The following RIF1 variants were observed in gnomAD, a reference collection of about 807,000 sequenced individuals.
RIF1 encodes the protein replication timing regulatory factor 1, also known as telomere-associated protein RIF1.
Under a neutral mutation model 247.1 loss-of-function variants are expected in RIF1, and 45 were observed. The observed-to-expected ratio is 0.18, with a 90% CI of 0.14 to 0.23. RIF1 has a LOEUF of 0.23. RIF1 is among the 10% of genes least tolerant of loss of function. The pLI is 1.00. For missense variants in RIF1, 2,967 were observed against 2,862.5 expected, an observed-to-expected ratio of 1.04 and a Z score of -0.83; for synonymous variants, 1,087 against 978.8, an observed-to-expected ratio of 1.11 and a Z score of -2.06.
chr2:151,426,683 G>A lies in RIF1; in HGVS notation c.787-2101G>A, dbSNP rs1459611201. Among the ~76,000 whole-genome samples the A allele has an allele frequency of 2.7e-5, 4 of 148,928 alleles. No individual in the cohort carries two copies. The East Asian group carries it at 7.9e-4, about 29-fold the overall frequency. ...GGTTTTTTTTTTGTTTTTTTTTTAA[G>A]ACAGAGTCTCGCTCTGTTGTCCTGG... On this transcript the variant is annotated intron_variant, in intron 8 of 35. Transcript: ENST00000444746.
At chr2:151,511,390 A>C (rs929650450), downstream of RIF1, among the ~76,000 whole-genome samples, 1 of 152,226 alleles carries the variant, frequency 6.6e-6, no homozygotes, top group African/African-American at 2.4e-5. Context: ...TACAATATAC[A>C]ACTATATGTT....
chr2:151,430,589 G>A (rs1356998051), intron 9 of RIF1, among the ~76,000 whole-genome samples: 1 of 152,156 alleles, frequency 6.6e-6, no homozygotes, highest in African/African-American at 2.4e-5. Flanking sequence ...CAAAGTGCTG[G>A]GATTACAGGC....
chr2:151,511,539 A>G (rs2074326258), downstream of RIF1, among the ~76,000 whole-genome samples: 1 of 152,226 alleles, frequency 6.6e-6, no homozygotes, highest in Admixed American at 6.5e-5. Flanking sequence ...GAGTTGGACC[A>G]GCGAATCTAC....
chr2:151,452,205 A>G (rs1694430888), intron 21 of RIF1, among the ~76,000 whole-genome samples: 1 of 152,218 alleles, frequency 6.6e-6, no homozygotes, highest in Non-Finnish European at 1.5e-5. Flanking sequence ...CATGGTAATT[A>G]AATGATTAAA....
At chr2:151,505,681 A>G (rs1489178837) in intron 12 of RIF1, 1 of 869,968 alleles carries the variant, frequency 1.1e-6, no homozygotes, top group Non-Finnish European at 1.9e-6. Flanking sequence ...TAACAGTGTA[A>G]ATAACGCAGG....
chr2:151,462,093 G>A, intron 27 of RIF1, 149 bp from the exon 28 acceptor site: 1 of 442,618 alleles, frequency 2.3e-6, no homozygotes, highest in Admixed American at 4.0e-5. Context: ...TGCTGGTCTT[G>A]AACTCCTGAG....
rs377155544 is a variant in RIF1 at position 151,410,592 on chromosome 2, T to C, written c.104+65T>C. The C allele has an allele frequency of 6.0e-5, 78 of 1,290,116 alleles. No homozygotes were observed. The East Asian group carries it at 1.2e-3, about 20-fold the overall frequency. 79.9% of individuals were successfully genotyped at this position (1,290,116 alleles called of 1,614,324 possible). On this transcript the variant is annotated intron_variant, in intron 2 of 35. Transcript: ENST00000444746. Reference sequence around the variant, plus strand: ...CTATAGTGGGGAGAAAGAAGGTGGTTGGGAGGGGCGCGTAGAATGAATGTG... The same window carrying C: ...CTATAGTGGGGAGAAAGAAGGTGGTCGGGAGGGGCGCGTAGAATGAATGTG...
chr2:151,432,739 C>T (rs556736511), intron 9 of RIF1, among the ~76,000 whole-genome samples: 19 of 152,228 alleles, frequency 1.2e-4, no homozygotes, highest in Admixed American at 2.6e-4. Flanking sequence ...TAGTAGCGTC[C>T]GTAGTCTCTA....
the RIF1 span, chr2:151,527,485 C>T: frequency 3.7e-6 from 6 of 1,611,688 alleles, no homozygotes; most frequent in Non-Finnish European, 5.1e-6. Flanking sequence ...TCTTACATCG[C>T]TTTGCTGCAG....
intron 4 of RIF1, among the ~76,000 whole-genome samples, chr2:151,415,220 G>A (rs1368841844): frequency 2.6e-5 from 4 of 151,824 alleles, no homozygotes; most frequent in Non-Finnish European, 4.4e-5. Context: ...CGTGGCGGGC[G>A]CCTGTAGTTC....
At chr2:151,438,588 ATTTG>A (rs1691680507) in intron 13 of RIF1, 92 bp from the exon 14 acceptor site, 4 of 778,514 alleles carry the variant, frequency 5.1e-6, no homozygotes, top group African/African-American at 1.7e-5. Context: ...TGTTCAATTT[ATTTG>A]TTTAATGTAA....
intron 11 of RIF1, among the ~76,000 whole-genome samples, chr2:151,500,524 A>AGAAG (rs2063622675): frequency 1.3e-5 from 2 of 151,894 alleles, no homozygotes; most frequent in East Asian, 3.9e-4. Flanking sequence ...AAAAAAAATC[A>AGAAG]GAAGGCCTGG....
chr2:151,414,115 C>G (rs546512031), intron 3 of RIF1, among the ~76,000 whole-genome samples: 1 of 152,120 alleles, frequency 6.6e-6, no homozygotes, highest in South Asian at 2.1e-4. Context: ...GAGTTTGAGA[C>G]CAGCCTGGCC....
chr2:151,489,584 A>C (rs2054371102), intron 9 of RIF1, among the ~76,000 whole-genome samples: 1 of 152,058 alleles, frequency 6.6e-6, no homozygotes, highest in Non-Finnish European at 1.5e-5. Context: ...TTTAGTAGAG[A>C]TGAAGTCTCA....
intron 16 of RIF1, among the ~76,000 whole-genome samples, 150 bp from the exon 17 acceptor site, chr2:151,443,106 AAAT>A (rs145729220): frequency 0.025 from 3,815 of 152,214 alleles, 111 homozygotes; most frequent in East Asian, 0.14. Flanking sequence ...CAGTATATGG[AAAT>A]AATTTTACTA....
intron 9 of RIF1, among the ~76,000 whole-genome samples, chr2:151,430,907 G>A (rs1421331068): frequency 1.3e-5 from 2 of 152,182 alleles, no homozygotes; most frequent in African/African-American, 4.8e-5. Flanking sequence ...ACCTGCCTCA[G>A]CCTTCCAAAG....
At chr2:151,505,853 C>A in intron 12 of RIF1, 1 of 532,752 alleles carries the variant, frequency 1.9e-6, no homozygotes, top group Non-Finnish European at 3.4e-6. Flanking sequence ...TCTTTATGCC[C>A]AGCAGGTCGT....
chr2:151,524,427 A>G, the RIF1 span: 3 of 1,613,920 alleles, frequency 1.9e-6, no homozygotes, highest in Non-Finnish European at 2.5e-6. Flanking sequence ...TGAATCAGAG[A>G]AAACCAAAAT....
chr2:151,531,716 G>T, the RIF1 span: 1 of 1,162,798 alleles, frequency 8.6e-7, no homozygotes, highest in South Asian at 1.3e-5. Context: ...CAGACTTTGT[G>T]ACAATTTAAA....
Sources: allele counts gnomAD v4.1 joint callset (sites outside exome capture counted in the v4.1 genomes callset), GRCh38; gene constraint gnomAD v4.1.1; transcripts MANE v1.5; gene names NCBI Gene and HGNC (gene_info 2026-07-23, HGNC 2026-07-21).